BNC2: variants seen among roughly 807,000 people sequenced by gnomAD.
BNC2 encodes the protein basonuclin zinc finger protein 2, also known as zinc finger protein basonuclin-2.
A neutral mutation model predicts 76.3 loss-of-function variants in BNC2; 20 were observed. The observed-to-expected ratio is 0.26, with a 90% CI of 0.18 to 0.38. The LOEUF (loss-of-function observed/expected upper bound fraction) is 0.38, where lower values mean the gene tolerates loss of function less well. Among genes scored for constraint, BNC2 ranks in the 10% least tolerant of loss-of-function variants. The pLI is 1.00. For synonymous variants in BNC2, 582 were observed against 514.8 expected, an observed-to-expected ratio of 1.13 and a Z score of -1.77; for missense variants, 1,382 against 1,399.8, an observed-to-expected ratio of 0.99 and a Z score of 0.20.
intron 1 of BNC2, among the ~76,000 whole-genome samples, chr9:16,805,663 G>A (rs1258397385): frequency 1.3e-5 from 2 of 151,976 alleles, no homozygotes; most frequent in African/African-American, 4.8e-5. Flanking sequence ...AACTGCATGA[G>A]AAACTGCAAT....
chr9:16,797,896 T>C (rs565218444), intron 1 of BNC2, among the ~76,000 whole-genome samples: 7 of 152,198 alleles, frequency 4.6e-5, no homozygotes, highest in South Asian at 2.1e-4. Flanking sequence ...AAGGAAAGTA[T>C]GGGATATCCA....
chr9:16,793,941 A>G (rs1350172640), intron 1 of BNC2, among the ~76,000 whole-genome samples: 1 of 139,900 alleles, frequency 7.1e-6, no homozygotes, highest in Non-Finnish European at 1.5e-5. Context: ...TGACCTCGTG[A>G]TCCTCCCATC....
At chr9:16,834,944 C>G (rs1818667413) in intron 1 of BNC2, among the ~76,000 whole-genome samples, 1 of 152,048 alleles carries the variant, frequency 6.6e-6, no homozygotes, top group South Asian at 2.1e-4. Flanking sequence ...AGTTACTATT[C>G]TTTCATAGAA....
intron 3 of BNC2, among the ~76,000 whole-genome samples, chr9:16,626,663 G>T (rs1043214596): frequency 1.3e-5 from 2 of 151,902 alleles, no homozygotes; most frequent in Non-Finnish European, 2.9e-5. Context: ...CCTAGCCTAC[G>T]AAACGTAAAA....
At chr9:16,457,108 T>A (rs920031464) in intron 5 of BNC2, among the ~76,000 whole-genome samples, 6 of 152,180 alleles carry the variant, frequency 3.9e-5, no homozygotes, top group Non-Finnish European at 7.4e-5. Flanking sequence ...TGCAGTAATA[T>A]GTAAATATGC....
intron 1 of BNC2, among the ~76,000 whole-genome samples, chr9:16,768,317 G>T (rs1378533862): frequency 1.3e-5 from 2 of 152,092 alleles, no homozygotes; most frequent in Non-Finnish European, 2.9e-5. Context: ...AGTAGTGGCA[G>T]TGAAGGTAGG....
rs146579962 is a variant in BNC2 at position 16,605,716 on chromosome 9, A to G, written c.331-22631T>C. On this transcript the variant is annotated intron_variant, in intron 3 of 6. Transcript: ENST00000380672. ...AGAGACCAGAGCCATGAAAACAAGCATTCTTAGAGTTCAGAGTCTGTGATA... is the reference window on the plus strand; with the variant it reads ...AGAGACCAGAGCCATGAAAACAAGCGTTCTTAGAGTTCAGAGTCTGTGATA... 5.3e-5 allele frequency among the ~76,000 whole-genome samples: 8 copies of G among 152,022 alleles called. No homozygotes were observed. In the East Asian group the frequency reaches 1.5e-3, roughly 29 times the overall value.
At chr9:16,508,049 A>T (rs1563815837) in intron 5 of BNC2, among the ~76,000 whole-genome samples, 2 of 152,354 alleles carry the variant, frequency 1.3e-5, no homozygotes, top group South Asian at 4.1e-4. Context: ...GAAGATAAGC[A>T]AGAAATACTT....
chr9:16,436,086 G>A lies in BNC2; in HGVS notation c.2108C>T (p.Thr703Ile). 1 of 1,614,080 alleles carries A rather than the reference G, an allele frequency of 6.2e-7. No individual in the cohort carries two copies. The highest frequency in any genetic ancestry group is 2.2e-5 in the East Asian group (1 of 44,874). The change falls in exon 6 of 7, where the codon ACT becomes ATT. Residue 703 changes from threonine to isoleucine, a missense_variant. Physicochemically the swap from Thr to Ile is moderately conservative, Grantham distance 89 (BLOSUM62 -1). Transcript: ENST00000380672. ...KHNRTRCISR[T>I]EIRRADSMTS... Reference sequence around the variant, plus strand: ...CATGCTGTCGGCCCTCCTTATTTCAGTCCTTGAAATGCACCGGGTCCTGTT... The same window carrying A: ...CATGCTGTCGGCCCTCCTTATTTCAATCCTTGAAATGCACCGGGTCCTGTT...
At chr9:16,528,498 C>G (rs1817879603) in intron 5 of BNC2, among the ~76,000 whole-genome samples, 1 of 152,106 alleles carries the variant, frequency 6.6e-6, no homozygotes, top group South Asian at 2.1e-4. Flanking sequence ...GAGATGGTTT[C>G]TATAGTTATC....
chr9:16,640,586 T>C (rs1490947939), intron 3 of BNC2, among the ~76,000 whole-genome samples: 1 of 152,218 alleles, frequency 6.6e-6, no homozygotes, highest in African/African-American at 2.4e-5. Context: ...GGTCATTCTA[T>C]TAGGCTGAGA....
Position 16,595,919 on chromosome 9 carries a change from C to T in BNC2, c.331-12834G>A, listed in dbSNP as rs116434472. 7.9e-3 allele frequency among the ~76,000 whole-genome samples: 1,208 copies of T among 152,144 alleles called. 16 individuals carry two copies. Among genetic ancestry groups the T allele is most frequent in the African/African-American group, 0.027 (1,139 of 41,526 alleles). Reference sequence around the variant, plus strand: ...AGAAAAAAAAAGTCTTCTAGAACAACGTTAATGTCATCTTGGGCATGTGGA... The same window carrying T: ...AGAAAAAAAAAGTCTTCTAGAACAATGTTAATGTCATCTTGGGCATGTGGA... On this transcript the variant is annotated intron_variant, in intron 3 of 6. Coordinates refer to ENST00000380672, the MANE Select transcript of BNC2 (RefSeq NM_017637.6).
chr9:16,799,521 G>A (rs113675344), intron 1 of BNC2, among the ~76,000 whole-genome samples: 59 of 152,080 alleles, frequency 3.9e-4, no homozygotes, highest in African/African-American at 1.4e-3. Context: ...CACTATGTTG[G>A]CCAGGCTGGT....
intron 1 of BNC2, among the ~76,000 whole-genome samples, chr9:16,757,286 C>T (rs528422405): frequency 1.3e-5 from 2 of 152,308 alleles, no homozygotes; most frequent in African/African-American, 4.8e-5. Context: ...TCTTAAATCT[C>T]TTGCTATATG....
intron 5 of BNC2, among the ~76,000 whole-genome samples, chr9:16,474,813 A>G (rs1821896059): frequency 6.6e-6 from 1 of 152,192 alleles, no homozygotes; most frequent in Non-Finnish European, 1.5e-5. Context: ...TTCACATACC[A>G]TAGTAATTCT....
At chr9:16,421,357 G>A in intron 6 of BNC2, 1 of 1,120,126 alleles carries the variant, frequency 8.9e-7, no homozygotes. Context: ...AAGAGAAAGA[G>A]AGAGAGAGAA....
At chr9:16,632,877 T>C (rs942556514) in intron 3 of BNC2, among the ~76,000 whole-genome samples, 3 of 152,126 alleles carry the variant, frequency 2.0e-5, no homozygotes, top group Admixed American at 2.0e-4. Flanking sequence ...GCAATACTCT[T>C]AGGGAAAACA....
At chr9:16,678,491 G>A (rs909917233) in intron 3 of BNC2, among the ~76,000 whole-genome samples, 1 of 151,466 alleles carries the variant, frequency 6.6e-6, no homozygotes, top group African/African-American at 2.4e-5. Flanking sequence ...GGCTGCTCTT[G>A]AGCTCCTGAC....
intron 1 of BNC2, among the ~76,000 whole-genome samples, chr9:16,836,424 A>G (rs1005728187): frequency 2.0e-5 from 3 of 152,164 alleles, no homozygotes; most frequent in African/African-American, 7.2e-5. Flanking sequence ...TGAAAATTAA[A>G]TAGAATCCCA....
Sources: gnomAD v4.1 joint callset for allele counts (sites outside exome capture counted in the v4.1 genomes callset) on GRCh38, gnomAD v4.1.1 for gene constraint, MANE v1.5 for transcripts, NCBI Gene and HGNC (gene_info 2026-07-23, HGNC 2026-07-21) for gene names.